The following STK17A variants were observed in gnomAD, a reference collection of about 807,000 sequenced individuals.
STK17A encodes serine/threonine-protein kinase 17A.
STK17A carries 26 observed loss-of-function variants against 43.7 expected under a neutral mutation model. The ratio of observed to expected loss-of-function variants is 0.60; its 90% confidence interval spans 0.44 to 0.83. The LOEUF is 0.83. Ranked by LOEUF, STK17A falls within the 40% of genes least tolerant of loss-of-function variation. The pLI, the probability that STK17A is intolerant of heterozygous loss-of-function variation, is 0.00. For synonymous variants in STK17A, 191 were observed against 182.5 expected, an observed-to-expected ratio of 1.05 and a Z score of -0.38; for missense variants, 476 against 511.6, an observed-to-expected ratio of 0.93 and a Z score of 0.67.
At chr7:43,588,754 C>T (rs2082460314) in intron 1 of STK17A, among the ~76,000 whole-genome samples, 1 of 151,296 alleles carries the variant, frequency 6.6e-6, no homozygotes, top group Non-Finnish European at 1.5e-5. Context: ...ATTCCTTGAA[C>T]TTGAGAGGTG....
chr7:43,583,354 C>T lies in STK17A; in HGVS notation c.111C>T (p.Pro37=). Residue 37 remains proline, a synonymous_variant, in exon 1 of 7, where the codon CCC becomes CCT. Transcript: ENST00000319357. ...LSGPCRPPPP[P]QARGLLTEIR... ...GGCCGTGCCGGCCGCCGCCGCCGCC[C>T]CAGGCCCGCGGGCTGCTGACAGAGA... 6.9e-7 allele frequency: 1 copy of T among 1,441,806 alleles called. No homozygotes were observed. Among genetic ancestry groups the T allele is most frequent in the Non-Finnish European group, 9.1e-7 (1 of 1,095,042 alleles). 89.3% of individuals were successfully genotyped at this position (1,441,806 alleles called of 1,614,324 possible). A position where few individuals can be genotyped will look rare whatever the true frequency, so the allele number is the denominator to read the frequency against.
At chr7:43,613,137 A>G (rs1473772466) in intron 3 of STK17A, among the ~76,000 whole-genome samples, 2 of 152,160 alleles carry the variant, frequency 1.3e-5, no homozygotes, top group East Asian at 1.9e-4. Flanking sequence ...TTTTTCTTCA[A>G]ATGGTGTTGT....
intron 3 of STK17A, among the ~76,000 whole-genome samples, chr7:43,613,982 C>T (rs2083109929): frequency 6.6e-6 from 1 of 152,140 alleles, no homozygotes; most frequent in Non-Finnish European, 1.5e-5. Context: ...CATTCCTAAA[C>T]AGTCCCCCAA....
chr7:43,596,114 G>GTT lies in STK17A; in HGVS notation c.419+2_419+3insTT. 6.2e-7 allele frequency: 1 copy of GTT among 1,605,684 alleles called. No homozygotes were observed. Among genetic ancestry groups the GTT allele is most frequent in the Non-Finnish European group, 8.5e-7 (1 of 1,175,284 alleles). ...CAGAAATGATCTTAGTTCTGGAATAGTAAGTATTGTCTTTCTTAGATTAAG... is the reference window on the plus strand; with the variant it reads ...CAGAAATGATCTTAGTTCTGGAATAGTTTAAGTATTGTCTTTCTTAGATTAAG... On this transcript the variant is annotated splice_donor_variant, in intron 2 of 6. Coordinates refer to ENST00000319357, the MANE Select transcript of STK17A (RefSeq NM_004760.3). LOFTEE classifies it high-confidence loss of function.
At chr7:43,603,875 A>G (rs1337875813) in intron 2 of STK17A, among the ~76,000 whole-genome samples, 2 of 152,224 alleles carry the variant, frequency 1.3e-5, no homozygotes, top group Admixed American at 1.3e-4. Context: ...TAAGTTGCAT[A>G]TGAAATATAA....
chr7:43,596,233 A>C (rs1449318035), intron 2 of STK17A, 120 bp downstream of exon 2: 3 of 886,900 alleles, frequency 3.4e-6, no homozygotes, highest in Non-Finnish European at 4.9e-6. Flanking sequence ...AATTTTCTAG[A>C]TCATCTTCAG....
intron 2 of STK17A, among the ~76,000 whole-genome samples, chr7:43,604,600 C>CT (rs2082576562): frequency 6.6e-6 from 1 of 152,084 alleles, no homozygotes; most frequent in Non-Finnish European, 1.5e-5. Flanking sequence ...ATAAATGTGC[C>CT]TTTTTAAAGA....
chr7:43,609,622 C>A (rs1164228419), intron 3 of STK17A: 1 of 152,218 alleles, frequency 6.6e-6, no homozygotes, highest in Non-Finnish European at 1.5e-5. Context: ...TGGTTACTTT[C>A]ATATCAAGTC....
At position 43,587,307 on chromosome 7, in the gene STK17A, A is replaced by G. The variant is rs558611136; in HGVS notation, c.206+3858A>G. ...GTAGCTGGGACTATAGGCGCCTGCC[A>G]CCATGCCTGGCTAATTTTTTGTATT... On this transcript the variant is annotated intron_variant, in intron 1 of 6. Coordinates refer to ENST00000319357, the MANE Select transcript of STK17A (RefSeq NM_004760.3). Among the ~76,000 whole-genome samples, 3 of 150,956 alleles carry G rather than the reference A, an allele frequency of 2.0e-5. No individual in the cohort carries two copies. The South Asian group carries it at 6.2e-4, about 31-fold the overall frequency.
chr7:43,598,460 A>T (rs1171018333), intron 2 of STK17A, among the ~76,000 whole-genome samples: 1 of 139,808 alleles, frequency 7.2e-6, no homozygotes, highest in East Asian at 2.1e-4. Context: ...ACACAGCAAG[A>T]CTCCGTCTCA....
intron 1 of STK17A, among the ~76,000 whole-genome samples, chr7:43,593,697 A>T (rs4720458): frequency 5.9e-4 from 29 of 49,168 alleles, no homozygotes; most frequent in East Asian, 2.8e-3. Context: ...CTGTTCATAT[A>T]AAAAAAAAAA....
At chr7:43,619,474 ATGAC>A (rs2083650634) in intron 3 of STK17A, 119 bp from the exon 4 acceptor site, 1 of 1,234,600 alleles carries the variant, frequency 8.1e-7, no homozygotes, top group African/African-American at 1.5e-5. Context: ...TCTTTAACAA[ATGAC>A]TGTTTACTGT....
At chr7:43,612,230 AGCCTTCCTTCT>A (rs2082944021) in intron 3 of STK17A, among the ~76,000 whole-genome samples, 1 of 152,328 alleles carries the variant, frequency 6.6e-6, no homozygotes, top group South Asian at 2.1e-4. Flanking sequence ...AAGGGTTCTC[AGCCTTCCTTCT>A]GCCTTCATGC....
chr7:43,595,875 C>T (rs982132142), intron 1 of STK17A, 26 bp from the exon 2 acceptor site: 6 of 1,604,648 alleles, frequency 3.7e-6, no homozygotes, highest in Non-Finnish European at 5.1e-6. Flanking sequence ...TCAACTTTAA[C>T]AGTGAATGTT....
At chr7:43,600,060 C>T (rs914770734) in intron 2 of STK17A, among the ~76,000 whole-genome samples, 1 of 152,196 alleles carries the variant, frequency 6.6e-6, no homozygotes, top group Non-Finnish European at 1.5e-5. Flanking sequence ...CCACACTAAT[C>T]TCTGGAAACA....
In STK17A at chr7:43,624,197, C is replaced by T. The variant is rs148913858; in HGVS notation, c.920+309C>T. ...AAATGTGTCATGGCAGTAAATAGCA[C>T]TCATAATTCATGGTTAGTAGAAATT... On this transcript the variant is annotated intron_variant, in intron 6 of 6. Transcript: ENST00000319357. 3.0e-3 allele frequency among the ~76,000 whole-genome samples: 464 copies of T among 152,252 alleles called. 6 individuals are homozygous for T. Among genetic ancestry groups the T allele is most frequent in the African/African-American group, 0.01 (434 of 41,554 alleles).
At chr7:43,586,377 T>C (rs2082439295) in intron 1 of STK17A, among the ~76,000 whole-genome samples, 2 of 151,644 alleles carry the variant, frequency 1.3e-5, no homozygotes, top group African/African-American at 4.8e-5. Context: ...GGATGTGATG[T>C]TGATCATTTA....
At chr7:43,587,502 T>G (rs2082451830) in intron 1 of STK17A, among the ~76,000 whole-genome samples, 1 of 151,412 alleles carries the variant, frequency 6.6e-6, no homozygotes, top group Non-Finnish European at 1.5e-5. Context: ...AGAGAGGATT[T>G]TTATCAGAGA....
At chr7:43,584,250 TCTTC>T (rs1252550261) in intron 1 of STK17A, among the ~76,000 whole-genome samples, 2 of 152,224 alleles carry the variant, frequency 1.3e-5, no homozygotes, top group African/African-American at 4.8e-5. Flanking sequence ...GTTTGGCGAC[TCTTC>T]CTTGAGAACA....
Sources: allele counts gnomAD v4.1 joint callset (sites outside exome capture counted in the v4.1 genomes callset), GRCh38; gene constraint gnomAD v4.1.1; transcripts MANE v1.5; gene names NCBI Gene and HGNC (gene_info 2026-07-23, HGNC 2026-07-21).